Variants in IGFL2 observed in about 807,000 individuals in gnomAD.
IGFL2 encodes the protein insulin growth factor-like family member 2.
Under a neutral mutation model 13.9 loss-of-function variants are expected in IGFL2, and 7 were observed. The ratio of observed to expected loss-of-function variants is 0.51; its 90% CI spans 0.29 to 0.95. IGFL2 has a LOEUF of 0.95. Ranked by LOEUF, IGFL2 falls within the 40% of genes least tolerant of loss-of-function variation. The pLI, the probability that IGFL2 is intolerant of heterozygous loss-of-function variation, is 0.08. For synonymous variants in IGFL2, 55 were observed against 55.8 expected (o/e 0.99, Z 0.07); for missense variants, 138 against 147.8 (o/e 0.93, Z 0.34).
the IGFL2 span, among the ~76,000 whole-genome samples, chr19:46,108,044 G>C: frequency 1.3e-5 from 2 of 152,200 alleles, no homozygotes; most frequent in Non-Finnish European, 2.9e-5. Context: ...CTGTAAGCCA[G>C]ACCAGGTGTG....
At chr19:46,130,396 A>G in the IGFL2 span, among the ~76,000 whole-genome samples, 1 of 152,192 alleles carries the variant, frequency 6.6e-6, no homozygotes, top group African/African-American at 2.4e-5. Context: ...TCACAGGGCA[A>G]TAACTTCTTT....
the IGFL2 span, among the ~76,000 whole-genome samples, chr19:46,115,244 T>C: frequency 6.6e-6 from 1 of 152,202 alleles, no homozygotes; most frequent in Non-Finnish European, 1.5e-5. Flanking sequence ...CCACACTCAA[T>C]CCTCACCCAG....
upstream of IGFL2, among the ~76,000 whole-genome samples, chr19:46,146,917 A>G (rs887526750): frequency 1.5e-4 from 23 of 152,208 alleles, no homozygotes; most frequent in African/African-American, 5.3e-4. Flanking sequence ...GATGGGAAGG[A>G]AGTCAATGGA....
the IGFL2 span, among the ~76,000 whole-genome samples, chr19:46,103,503 G>A: frequency 2.6e-5 from 4 of 152,150 alleles, no homozygotes; most frequent in African/African-American, 7.2e-5. Context: ...TGCCCTGTGA[G>A]CAAAGATCAT....
chr19:46,120,571 A>C, the IGFL2 span, among the ~76,000 whole-genome samples: 2 of 150,886 alleles, frequency 1.3e-5, no homozygotes, highest in Admixed American at 1.3e-4. Context: ...AACAGATCCC[A>C]ATAACAAAGA....
chr19:46,199,237 A>G, the IGFL2 span, among the ~76,000 whole-genome samples: 12 of 152,202 alleles, frequency 7.9e-5, no homozygotes, highest in Non-Finnish European at 1.6e-4. Flanking sequence ...CTTGGATTAG[A>G]AAGTGAGATG....
the IGFL2 span, among the ~76,000 whole-genome samples, chr19:46,119,260 T>G: frequency 6.6e-6 from 1 of 152,296 alleles, no homozygotes; most frequent in South Asian, 2.1e-4. Flanking sequence ...ACTGTGGGAC[T>G]GGGGACAAGC....
chr19:46,147,027 C>T (rs570108892), upstream of IGFL2, among the ~76,000 whole-genome samples: 16 of 152,128 alleles, frequency 1.1e-4, no homozygotes, highest in Non-Finnish European at 2.1e-4. Context: ...ACAGAAGGAG[C>T]GTTTCCTTGG....
chr19:46,082,976 A>AT, the IGFL2 span, among the ~76,000 whole-genome samples: 1 of 152,002 alleles, frequency 6.6e-6, no homozygotes, highest in African/African-American at 2.4e-5. Flanking sequence ...TAAACATGAC[A>AT]TTTTCTCTTT....
chr19:46,169,482 G>A, the IGFL2 span, among the ~76,000 whole-genome samples: 1 of 152,152 alleles, frequency 6.6e-6, no homozygotes, highest in African/African-American at 2.4e-5. Flanking sequence ...TGTTTTCAAG[G>A]TGGATAAATA....
rs750684658 is a variant in IGFL2, at chr19:46,160,812, T to C, written c.272T>C (p.Val91Ala). The change falls in exon 3 of 4, where the codon GTT becomes GCT. Residue 91 changes from valine to alanine, a missense_variant. Coordinates refer to ENST00000377693, the MANE Select transcript of IGFL2 (RefSeq NM_001135113.2). ...LDSFGLTNDFVVKLKVQGVNS... is the reference protein window; with the variant it reads ...LDSFGLTNDFAVKLKVQGVNS... ...TCCTTTGGCCTCACAAACGATTTTGTTGTGAAGCTGAAGGTTCAGGGTGTG... is the reference window on the plus strand; with the variant it reads ...TCCTTTGGCCTCACAAACGATTTTGCTGTGAAGCTGAAGGTTCAGGGTGTG... The C allele has an allele frequency of 3.6e-5, 58 of 1,614,012 alleles. No individual in the cohort carries two copies. Among genetic ancestry groups the C allele is most frequent in the Middle Eastern group, 1.6e-4 (1 of 6,062 alleles).
At chr19:46,141,326 C>G, upstream of IGFL2, among the ~76,000 whole-genome samples, 1 of 152,168 alleles carries the variant, frequency 6.6e-6, no homozygotes, top group East Asian at 1.9e-4. Context: ...TAATAGTGTG[C>G]CGGAAAACGC....
chr19:46,199,474 A>C, the IGFL2 span, among the ~76,000 whole-genome samples: 1 of 152,094 alleles, frequency 6.6e-6, no homozygotes, highest in Non-Finnish European at 1.5e-5. Context: ...TCTGTGTGCA[A>C]AGGCTTTTTT....
chr19:46,141,846 C>T (rs973663477), upstream of IGFL2, among the ~76,000 whole-genome samples: 4 of 152,098 alleles, frequency 2.6e-5, no homozygotes, highest in South Asian at 2.1e-4. Flanking sequence ...TTGCCCAACC[C>T]GAATTCACCC....
the IGFL2 span, among the ~76,000 whole-genome samples, chr19:46,190,915 G>A: frequency 2.0e-5 from 3 of 152,066 alleles, no homozygotes; most frequent in African/African-American, 4.8e-5. Flanking sequence ...CGGGAGTCCC[G>A]CTGAGTCATC....
the IGFL2 span, among the ~76,000 whole-genome samples, chr19:46,192,889 A>G: frequency 6.6e-6 from 1 of 152,066 alleles, no homozygotes; most frequent in East Asian, 1.9e-4. Flanking sequence ...ATCTGAAAAT[A>G]TTAAATGAAA....
chr19:46,097,126 C>T, the IGFL2 span, among the ~76,000 whole-genome samples: 6 of 152,204 alleles, frequency 3.9e-5, no homozygotes, highest in Non-Finnish European at 8.8e-5. Flanking sequence ...TAGAATTCAG[C>T]TGTGAATCCA....
chr19:46,186,261 C>G, the IGFL2 span, among the ~76,000 whole-genome samples: 2 of 152,310 alleles, frequency 1.3e-5, no homozygotes, highest in East Asian at 3.9e-4. Flanking sequence ...AGGGCACCCC[C>G]GCCGACCTGA....
chr19:46,078,596 T>G, the IGFL2 span, among the ~76,000 whole-genome samples: 2,051 of 152,352 alleles, frequency 0.013, 32 homozygotes, highest in Middle Eastern at 0.027. Flanking sequence ...TTGTCCATTA[T>G]TTTTTGTAGG....
Sources: gnomAD v4.1 joint callset for allele counts (sites outside exome capture counted in the v4.1 genomes callset) on GRCh38, gnomAD v4.1.1 for gene constraint, MANE v1.5 for transcripts, NCBI Gene and HGNC (gene_info 2026-07-23, HGNC 2026-07-21) for gene names.